PSG8: variants seen among roughly 807,000 people sequenced by gnomAD.
The protein encoded by PSG8 is pregnancy specific beta-1-glycoprotein 8.
PSG8 carries 57 observed loss-of-function variants against 42.5 expected under a neutral mutation model. The ratio of observed to expected loss-of-function variants is 1.34; its 90% confidence interval spans 1.08 to 1.67. PSG8 has a LOEUF of 1.67. Among genes scored for constraint, PSG8 ranks in the 40% most tolerant of loss-of-function variants. PSG8 has a pLI of 0.00. For synonymous variants in PSG8, 280 were observed against 196.8 expected, an observed-to-expected ratio of 1.42 and a Z score of -3.54; for missense variants, 783 against 518.6, an observed-to-expected ratio of 1.51 and a Z score of -4.95.
chr19:42,757,860 T>C lies in PSG8; in HGVS notation c.709+142A>G, dbSNP rs1382874531. On this transcript the variant is annotated intron_variant, in intron 3 of 4. Transcript: ENST00000306511. The stretch of plus-strand genomic sequence containing the variant: ...AAGCCTAGGCCTACTCTGGTTTGCC[T>C]GGGGCAGAAAGTCATGGCCAGGTTT... The C allele has an allele frequency of 1.3e-4, 207 of 1,583,544 alleles. 1 individual carries two copies. Among genetic ancestry groups the C allele is most frequent in the Non-Finnish European group, 1.7e-4 (199 of 1,156,056 alleles).
intron 3 of PSG8, among the ~76,000 whole-genome samples, chr19:42,757,639 G>C (rs1194045260): frequency 6.6e-6 from 1 of 152,096 alleles, no homozygotes; most frequent in African/African-American, 2.4e-5. Flanking sequence ...TTTTCAGAGG[G>C]AAGGGAAAAT....
At chr19:42,760,739 T>C (rs1201272097) in intron 2 of PSG8, among the ~76,000 whole-genome samples, 4 of 152,142 alleles carry the variant, frequency 2.6e-5, no homozygotes, top group Non-Finnish European at 5.9e-5. Context: ...CCCGCCACCA[T>C]GGCTGGCTAA....
At chr19:42,757,350 A>G (rs1283905500) in intron 3 of PSG8, among the ~76,000 whole-genome samples, 1 of 152,092 alleles carries the variant, frequency 6.6e-6, no homozygotes, top group Admixed American at 6.5e-5. Flanking sequence ...ACCAGGGACT[A>G]TGATCCTCTT....
intron 2 of PSG8, among the ~76,000 whole-genome samples, chr19:42,761,427 G>A (rs1324334753): frequency 6.6e-6 from 1 of 152,148 alleles, no homozygotes; most frequent in East Asian, 1.9e-4. Flanking sequence ...CATTTGGCAA[G>A]AGTTTACAAA....
At chr19:42,757,618 C>T (rs950759062) in intron 3 of PSG8, among the ~76,000 whole-genome samples, 10 of 152,084 alleles carry the variant, frequency 6.6e-5, no homozygotes, top group African/African-American at 2.2e-4. Flanking sequence ...AGAATAATGT[C>T]ACAGGCGATA....
chr19:42,757,745 G>A (rs145573682), intron 3 of PSG8, among the ~76,000 whole-genome samples: 2,428 of 152,278 alleles, frequency 0.016, 65 homozygotes, highest in African/African-American at 0.055. Flanking sequence ...CTGATCTGGA[G>A]CCTGAGACAT....
intron 1 of PSG8, among the ~76,000 whole-genome samples, chr19:42,764,598 TC>T (rs1455430715): frequency 1.3e-5 from 2 of 152,188 alleles, no homozygotes; most frequent in East Asian, 3.9e-4. Flanking sequence ...TGCCCTCAGG[TC>T]CTGCTCACAT....
rs967991530 is a variant in PSG8, at chr19:42,758,040, C to G, written c.671G>C (p.Ser224Thr). ...PYECEIRNPV[S>T]ASRSDPFTLN... ...GGTGAATGGGTCACTGCGGCTGGCA[C>G]TCACTGGGTTCCGTATTTCACATTC... The change falls in exon 3 of 5, where the codon AGT becomes ACT. Residue 224 changes from serine (S) to threonine (T), a missense_variant. Ser to Thr is a moderately conservative substitution (Grantham distance 58, BLOSUM62 1). Transcript: ENST00000306511. The G allele has an allele frequency of 1.2e-6, 2 of 1,613,916 alleles. No individual in the cohort carries two copies. Among genetic ancestry groups the G allele is most frequent in the African/African-American group, 2.7e-5 (2 of 74,906 alleles).
Position 42,765,592 on chromosome 19 carries a change from G to A in PSG8, c.-11C>T, listed in dbSNP as rs554451127. 1 of 1,610,050 alleles carries A rather than the reference G, an allele frequency of 6.2e-7. No homozygotes were observed. Among genetic ancestry groups the A allele is most frequent in the Non-Finnish European group, 8.5e-7 (1 of 1,177,368 alleles). On this transcript the variant is annotated 5_prime_UTR_variant, in exon 1 of 5. Transcript: ENST00000306511. ...TGAGAGGAGCCCCATGGTCTCTGCT[G>A]TCTGTGTGTTCTCCTCTGTGGAGAT...
intron 2 of PSG8, among the ~76,000 whole-genome samples, chr19:42,762,716 G>A (rs1242427289): frequency 6.6e-6 from 1 of 151,988 alleles, no homozygotes; most frequent in Non-Finnish European, 1.5e-5. Flanking sequence ...TGAGGGGGAG[G>A]CCTGGACATG....
At chr19:42,762,413 G>A (rs181326062) in intron 2 of PSG8, among the ~76,000 whole-genome samples, 19 of 152,182 alleles carry the variant, frequency 1.2e-4, no homozygotes, top group Admixed American at 5.9e-4. Flanking sequence ...AAGAGGTAGT[G>A]GGGGGATGAA....
At chr19:42,760,456 C>T (rs529102977) in intron 2 of PSG8, among the ~76,000 whole-genome samples, 1 of 152,110 alleles carries the variant, frequency 6.6e-6, no homozygotes, top group African/African-American at 2.4e-5. Flanking sequence ...ACTTTTTTAC[C>T]CCACTCTTTT....
intron 2 of PSG8, among the ~76,000 whole-genome samples, chr19:42,759,994 C>T (rs1002318497): frequency 6.6e-6 from 1 of 152,010 alleles, no homozygotes; most frequent in African/African-American, 2.4e-5. Flanking sequence ...GGAATGATGC[C>T]AAATTAAAAG....
intron 2 of PSG8, among the ~76,000 whole-genome samples, chr19:42,759,161 G>C (rs984106742): frequency 6.6e-6 from 1 of 152,064 alleles, no homozygotes; most frequent in Non-Finnish European, 1.5e-5. Context: ...GACCATATGT[G>C]TTTGGTGGAT....
chr19:42,758,596 G>T (rs202037785), intron 2 of PSG8: 123 of 446,082 alleles, frequency 2.8e-4, no homozygotes, highest in African/African-American at 2.1e-3. Flanking sequence ...TGCCTGCCTG[G>T]CCCACCTTGT....
intron 3 of PSG8, among the ~76,000 whole-genome samples, chr19:42,757,305 G>T (rs1969950797): frequency 6.6e-6 from 1 of 152,056 alleles, no homozygotes; most frequent in South Asian, 2.1e-4. Context: ...AGACTTCACT[G>T]GAAAACATAG....
chr19:42,753,204 A>G (rs796273310), downstream of PSG8: 97 of 766,000 alleles, frequency 1.3e-4, 2 homozygotes, highest in Middle Eastern at 3.1e-4. Context: ...CGAACATTTT[A>G]GTGAGTTCTG....
intron 2 of PSG8, among the ~76,000 whole-genome samples, chr19:42,760,782 C>T (rs974867791): frequency 2.6e-5 from 4 of 152,036 alleles, no homozygotes; most frequent in Non-Finnish European, 5.9e-5. Flanking sequence ...CGAGGTTTCA[C>T]CATGTTAGCC....
intron 3 of PSG8, among the ~76,000 whole-genome samples, chr19:42,756,570 C>A (rs1469175620): frequency 1.3e-5 from 2 of 152,066 alleles, no homozygotes; most frequent in Non-Finnish European, 2.9e-5. Flanking sequence ...TTCTTTTCAG[C>A]ATCAGATTAG....
Sources: allele counts gnomAD v4.1 joint callset (sites outside exome capture counted in the v4.1 genomes callset), GRCh38; gene constraint gnomAD v4.1.1; transcripts MANE v1.5; gene names NCBI Gene and HGNC (gene_info 2026-07-23, HGNC 2026-07-21).